Variants in FXYD6 observed in about 807,000 individuals in gnomAD.
FXYD6 encodes the protein FXYD domain containing ion transport regulator 6.
Under a neutral mutation model 16.7 loss-of-function variants are expected in FXYD6, and 7 were observed. That is an observed-to-expected ratio of 0.42 (90% confidence interval 0.24 to 0.79). FXYD6 has a LOEUF of 0.79. FXYD6 is among the 30% of genes least tolerant of loss of function. FXYD6 has a pLI of 0.28. For missense variants in FXYD6, 111 were observed against 116.2 expected, an observed-to-expected ratio of 0.95 and a Z score of 0.21; for synonymous variants, 49 against 43.0, an observed-to-expected ratio of 1.14 and a Z score of -0.54.
At chr11:117,865,194 T>TA (rs1439082419) in intron 1 of FXYD6, among the ~76,000 whole-genome samples, 3 of 151,842 alleles carry the variant, frequency 2.0e-5, no homozygotes, top group Non-Finnish European at 4.4e-5. Flanking sequence ...ATAGCTGCTA[T>TA]AAAAAAAAGA....
At position 117,872,953 on chromosome 11, in the gene FXYD6, C is replaced by A. The variant is rs1019002008; in HGVS notation, c.-6+3639G>T. Among the ~76,000 whole-genome samples the A allele has an allele frequency of 5.9e-5, 9 of 152,164 alleles. No individual in the cohort carries two copies. Among genetic ancestry groups the A allele is most frequent in the Admixed American group, 6.5e-5 (1 of 15,282 alleles). On this transcript the variant is annotated intron_variant, in intron 1 of 7. Transcript: ENST00000526014. The surrounding 1 kb of genome is among the most constrained non-coding windows in gnomAD (Gnocchi z 4.9). Reference sequence around the variant, plus strand: ...TCCAGCTGGCCAGGGGTTCTCCCTGCAGAAGATTTCATGGACCTCCAAAAT... The same window carrying A: ...TCCAGCTGGCCAGGGGTTCTCCCTGAAGAAGATTTCATGGACCTCCAAAAT...
At chr11:117,857,107 C>G (rs954345207) in intron 1 of FXYD6, among the ~76,000 whole-genome samples, 1 of 152,216 alleles carries the variant, frequency 6.6e-6, no homozygotes, top group Non-Finnish European at 1.5e-5. Flanking sequence ...AGGGAAGCCA[C>G]TGCCACTGAT....
intron 1 of FXYD6, among the ~76,000 whole-genome samples, chr11:117,845,502 C>T (rs1161434771): frequency 2.0e-5 from 3 of 152,008 alleles, no homozygotes; most frequent in South Asian, 2.1e-4. Context: ...TTTTTCTGTC[C>T]GACATTATGC....
intron 1 of FXYD6, among the ~76,000 whole-genome samples, chr11:117,843,446 C>T (rs1297469043): frequency 6.6e-6 from 1 of 152,198 alleles, no homozygotes; most frequent in Non-Finnish European, 1.5e-5. Context: ...TTGAAGATCT[C>T]AACTGTGTCC....
At chr11:117,876,951 T>A (rs1037289106), upstream of FXYD6, 2 of 152,228 alleles carry the variant, frequency 1.3e-5, no homozygotes, top group Admixed American at 6.5e-5. Flanking sequence ...GCAGTCAAGC[T>A]CCGAGAAGCA....
intron 1 of FXYD6, among the ~76,000 whole-genome samples, chr11:117,869,933 C>CA (rs2057099093): frequency 6.6e-6 from 1 of 152,258 alleles, no homozygotes; most frequent in Non-Finnish European, 1.5e-5. Context: ...CACATCCCCT[C>CA]ATCCTTGGCC....
At chr11:117,863,347 A>G (rs2056948988) in intron 1 of FXYD6, among the ~76,000 whole-genome samples, 2 of 151,948 alleles carry the variant, frequency 1.3e-5, no homozygotes, top group Non-Finnish European at 2.9e-5. Flanking sequence ...AAACGGAGGG[A>G]AAAAAAACCA....
chr11:117,843,010 T>C (rs936762311), intron 1 of FXYD6, among the ~76,000 whole-genome samples: 9 of 152,074 alleles, frequency 5.9e-5, no homozygotes, highest in Non-Finnish European at 1.0e-4. Context: ...CTCGGCTCAC[T>C]GCAACCTCCG....
At chr11:117,841,122 C>G (rs371561766) in intron 5 of FXYD6, 26 bp downstream of exon 5, 2 of 1,613,976 alleles carry the variant, frequency 1.2e-6, no homozygotes, top group Non-Finnish European at 1.7e-6. Context: ...ATCACCCCCC[C>G]AAGGCCACTG....
At chr11:117,859,007 C>T (rs149288976) in intron 1 of FXYD6, among the ~76,000 whole-genome samples, 6,770 of 152,120 alleles carry the variant, frequency 0.045, 498 homozygotes, top group African/African-American at 0.15. Flanking sequence ...AACTCCTGAC[C>T]TCCGGTGATC....
Position 117,840,612 on chromosome 11 carries a change from G to A in FXYD6, c.210-244C>T, listed in dbSNP as rs187538912. Among the ~76,000 whole-genome samples, 65 of 152,270 alleles carry A rather than the reference G, an allele frequency of 4.3e-4. 1 individual carries two copies. The highest frequency in any genetic ancestry group is 1.5e-3 in the African/African-American group (61 of 41,552). ...AGCCCTCATGGGAAGGGGAGGCTAGGGCCACATGGGGGCTTGGGTGTGTCC... is the reference window on the plus strand; with the variant it reads ...AGCCCTCATGGGAAGGGGAGGCTAGAGCCACATGGGGGCTTGGGTGTGTCC... On this transcript the variant is annotated intron_variant, in intron 5 of 7. Transcript: ENST00000526014.
At chr11:117,850,943 T>C (rs1411574199) in intron 1 of FXYD6, among the ~76,000 whole-genome samples, 9 of 152,208 alleles carry the variant, frequency 5.9e-5, no homozygotes, top group East Asian at 3.8e-4. Flanking sequence ...ATACTTATAA[T>C]AGTTATTAGG....
intron 1 of FXYD6, among the ~76,000 whole-genome samples, chr11:117,861,019 C>T (rs1185985152): frequency 6.6e-6 from 1 of 152,226 alleles, no homozygotes; most frequent in Non-Finnish European, 1.5e-5. Context: ...GCTCTCCCTC[C>T]TCTCTGCCAC....
chr11:117,873,300 C>T (rs543660014), intron 1 of FXYD6, among the ~76,000 whole-genome samples: 1 of 152,290 alleles, frequency 6.6e-6, no homozygotes, highest in South Asian at 2.1e-4. Flanking sequence ...GGATCTCTTT[C>T]AAGATTGTAT....
chr11:117,856,033 GGCAA>G (rs1439912695), intron 1 of FXYD6, among the ~76,000 whole-genome samples: 1 of 151,828 alleles, frequency 6.6e-6, no homozygotes, highest in African/African-American at 2.4e-5. Flanking sequence ...TCTCCATATT[GGCAA>G]GCAGCTGAGG....
chr11:117,847,746 T>G (rs1330561103), intron 1 of FXYD6, among the ~76,000 whole-genome samples: 1 of 152,206 alleles, frequency 6.6e-6, no homozygotes, highest in Non-Finnish European at 1.5e-5. Flanking sequence ...TGCCACATTT[T>G]CTTAATCCAG....
At chr11:117,856,871 C>T (rs1458434584) in intron 1 of FXYD6, among the ~76,000 whole-genome samples, 1 of 152,046 alleles carries the variant, frequency 6.6e-6, no homozygotes, top group East Asian at 1.9e-4. Flanking sequence ...TATTTAGGGG[C>T]AGGGCAGGGC....
At chr11:117,838,881 G>A (rs1482602896) in intron 7 of FXYD6, 1 of 154,582 alleles carries the variant, frequency 6.5e-6, no homozygotes, top group African/African-American at 2.4e-5. Flanking sequence ...TGGTGCATCG[G>A]GCACTTCATC....
chr11:117,845,034 C>G (rs766812103), intron 1 of FXYD6, among the ~76,000 whole-genome samples: 6 of 152,158 alleles, frequency 3.9e-5, no homozygotes, highest in Admixed American at 2.6e-4. Context: ...CCATCTTAAA[C>G]TGTACAATTC....
Sources: gnomAD v4.1 joint callset for allele counts (sites outside exome capture counted in the v4.1 genomes callset) on GRCh38, gnomAD v4.1.1 for gene constraint, Gnocchi (gnomAD v3.1) non-coding constraint, MANE v1.5 for transcripts, NCBI Gene and HGNC (gene_info 2026-07-23, HGNC 2026-07-21) for gene names.